Variants in STK32B observed in about 807,000 individuals in gnomAD.
STK32B encodes serine/threonine kinase 32B.
In STK32B, 43 loss-of-function variants were observed where a neutral mutation model predicts 52.6. That is an observed-to-expected ratio of 0.82 (90% CI 0.64 to 1.05). The LOEUF is 1.05. Among genes scored for constraint, STK32B ranks in the 50% least tolerant of loss-of-function variants. The pLI is 0.00. For missense variants in STK32B, 621 were observed against 534.6 expected (o/e 1.16, Z -1.59); for synonymous variants, 238 against 204.3 (o/e 1.17, Z -1.41).
intron 3 of STK32B, among the ~76,000 whole-genome samples, chr4:5,315,676 CTTTTTCTTTTTT>C (rs201198520): frequency 0.085 from 11,062 of 130,192 alleles, 449 homozygotes; most frequent in African/African-American, 0.11. Flanking sequence ...TTTTCTTTTT[CTTTTTCTTTTTT>C]TTTTTTTTTG....
intron 8 of STK32B, chr4:5,458,525 G>A (rs1206894377): frequency 6.6e-6 from 1 of 152,164 alleles, no homozygotes; most frequent in Non-Finnish European, 1.5e-5. Context: ...GCAGAAGCAG[G>A]ATTTTGATCC....
intron 3 of STK32B, among the ~76,000 whole-genome samples, chr4:5,199,547 C>T (rs1441331345): frequency 2.0e-5 from 3 of 151,700 alleles, no homozygotes; most frequent in African/African-American, 7.3e-5. Flanking sequence ...GTGAAGCCCA[C>T]CTTGATAAGA....
At chr4:5,364,266 C>T (rs999422520) in intron 4 of STK32B, among the ~76,000 whole-genome samples, 20 of 152,076 alleles carry the variant, frequency 1.3e-4, no homozygotes, top group African/African-American at 4.6e-4. Flanking sequence ...CCAAATCAAG[C>T]CAGTTTAAGA....
At chr4:5,230,209 T>C (rs1241517597) in intron 3 of STK32B, among the ~76,000 whole-genome samples, 1 of 86,708 alleles carries the variant, frequency 1.2e-5, no homozygotes, top group Non-Finnish European at 2.3e-5. Flanking sequence ...TTTTTTTTTT[T>C]AGTGGAGTCT....
intron 5 of STK32B, among the ~76,000 whole-genome samples, chr4:5,404,843 C>T (rs1172896943): frequency 2.6e-5 from 4 of 151,158 alleles, no homozygotes; most frequent in Admixed American, 1.3e-4. Flanking sequence ...TTCATAACAC[C>T]CCTGTGTTCT....
Position 5,051,690 on chromosome 4 carries a change from G to A in STK32B, c.-174G>A. ...CGAGCGCAGTCGGAAGGGCGTCCAG[G>A]AGAAGGGGGACGCCGTCCCCGCCCC... On this transcript the variant is annotated 5_prime_UTR_variant, in exon 1 of 12. Transcript: ENST00000282908. 3 of 741,912 alleles carry A rather than the reference G, an allele frequency of 4.0e-6. No individual in the cohort carries two copies. In the South Asian group the frequency reaches 6.1e-5, roughly 15 times the overall value. 46.0% of individuals were successfully genotyped at this position (741,912 alleles called of 1,614,324 possible). A position where few individuals can be genotyped will look rare whatever the true frequency, so the allele number is the denominator to read the frequency against.
At chr4:5,262,320 CA>C (rs1245068625) in intron 3 of STK32B, among the ~76,000 whole-genome samples, 1 of 152,104 alleles carries the variant, frequency 6.6e-6, no homozygotes, top group African/African-American at 2.4e-5. Context: ...TGGAATTCTA[CA>C]CAGCCATTAA....
At chr4:5,381,556 C>T (rs183073130) in intron 4 of STK32B, among the ~76,000 whole-genome samples, 1 of 152,222 alleles carries the variant, frequency 6.6e-6, no homozygotes, top group Admixed American at 6.5e-5. Context: ...ATGTGGTCAG[C>T]ACATGCTAGG....
chr4:5,391,709 T>C (rs1343361276), intron 4 of STK32B, among the ~76,000 whole-genome samples: 4 of 152,210 alleles, frequency 2.6e-5, no homozygotes, highest in Admixed American at 6.5e-5. Flanking sequence ...AATCTGGCCA[T>C]TGGATCAGTG....
chr4:5,411,751 C>T (rs1015921371), intron 5 of STK32B, among the ~76,000 whole-genome samples: 6 of 152,096 alleles, frequency 3.9e-5, no homozygotes, highest in African/African-American at 1.4e-4. Context: ...ATAGGAGCCT[C>T]CACCAAGAAC....
chr4:5,473,211 C>G (rs1437881492), intron 11 of STK32B, among the ~76,000 whole-genome samples: 1 of 152,190 alleles, frequency 6.6e-6, no homozygotes, highest in Non-Finnish European at 1.5e-5. Context: ...GTTTATTGAG[C>G]ATCTCCCTGG....
chr4:5,434,314 A>G (rs994341547), intron 6 of STK32B, among the ~76,000 whole-genome samples: 57 of 152,168 alleles, frequency 3.7e-4, no homozygotes, highest in Admixed American at 3.7e-3. Flanking sequence ...TACTAATTCA[A>G]TTGGAACCAA....
rs192100957 is a variant in STK32B, at chr4:5,178,824, T to C, written c.260+10374T>C. ...GCCTGGACTTAATTGCCCATATCACTATCAGCATTTTGGGCAAAACCAACA... is the reference window on the plus strand; with the variant it reads ...GCCTGGACTTAATTGCCCATATCACCATCAGCATTTTGGGCAAAACCAACA... On this transcript the variant is annotated intron_variant, in intron 3 of 11. Transcript: ENST00000282908. Among the ~76,000 whole-genome samples the C allele has an allele frequency of 2.9e-3, 438 of 152,318 alleles. 1 individual carries two copies. Among genetic ancestry groups the C allele is most frequent in the Non-Finnish European group, 4.8e-3 (327 of 68,038 alleles).
At chr4:5,133,946 TGGGGCTG>T (rs770714755) in intron 1 of STK32B, among the ~76,000 whole-genome samples, 5 of 152,188 alleles carry the variant, frequency 3.3e-5, no homozygotes, top group Non-Finnish European at 7.3e-5. Context: ...ACTCAAATAG[TGGGGCTG>T]GGTTTAAAAC....
chr4:5,052,517 C>T (rs1352356630), intron 1 of STK32B, among the ~76,000 whole-genome samples: 1 of 152,162 alleles, frequency 6.6e-6, no homozygotes, highest in African/African-American at 2.4e-5. Context: ...CGCATCTCAA[C>T]TTCCTGGCTG....
At chr4:5,432,981 G>C (rs1713726375) in intron 6 of STK32B, among the ~76,000 whole-genome samples, 1 of 152,164 alleles carries the variant, frequency 6.6e-6, no homozygotes, top group Non-Finnish European at 1.5e-5. Context: ...GTAAGCATGG[G>C]AGCTGAGGTT....
chr4:5,307,039 GC>G (rs1451797563), intron 3 of STK32B, among the ~76,000 whole-genome samples: 1 of 152,130 alleles, frequency 6.6e-6, no homozygotes, highest in Non-Finnish European at 1.5e-5. Flanking sequence ...TTTATAGGTT[GC>G]CTGATGCTCT....
At chr4:5,257,088 T>A (rs1413581520) in intron 3 of STK32B, among the ~76,000 whole-genome samples, 1 of 121,154 alleles carries the variant, frequency 8.3e-6, no homozygotes, top group African/African-American at 6.3e-5. Context: ...AGTGAGTGAA[T>A]GAATGAATGA....
intron 1 of STK32B, among the ~76,000 whole-genome samples, chr4:5,109,561 G>A (rs1242000940): frequency 1.3e-5 from 2 of 152,144 alleles, no homozygotes; most frequent in East Asian, 3.9e-4. Flanking sequence ...TAAAAAGCTG[G>A]ATTTTATAAA....
Sources: gnomAD v4.1 joint callset for allele counts (sites outside exome capture counted in the v4.1 genomes callset) on GRCh38, gnomAD v4.1.1 for gene constraint, MANE v1.5 for transcripts, NCBI Gene and HGNC (gene_info 2026-07-23, HGNC 2026-07-21) for gene names.